The following PRDM11 variants were observed in gnomAD, a reference collection of about 807,000 sequenced individuals.
The protein encoded by PRDM11 is PR/SET domain 11, also known as PR domain-containing protein 11.
In PRDM11, 20 loss-of-function variants were observed where a neutral mutation model predicts 97.8. The ratio of observed to expected loss-of-function variants is 0.20; its 90% CI spans 0.14 to 0.30. The LOEUF (loss-of-function observed/expected upper bound fraction) is 0.30. PRDM11 is among the 10% of genes least tolerant of loss of function. The pLI is 1.00. For synonymous variants in PRDM11, 599 were observed against 637.7 expected, an observed-to-expected ratio of 0.94 and a Z score of 0.91; for missense variants, 1,139 against 1,555.2, an observed-to-expected ratio of 0.73 and a Z score of 4.50.
chr11:45,163,373 C>G (rs1390875213), intron 1 of PRDM11, among the ~76,000 whole-genome samples: 1 of 152,212 alleles, frequency 6.6e-6, no homozygotes, highest in East Asian at 1.9e-4. Context: ...TGGACAAGGT[C>G]CCACAGGCAT....
At chr11:45,223,521 C>A (rs1301406391) in intron 6 of PRDM11, among the ~76,000 whole-genome samples, 1 of 152,194 alleles carries the variant, frequency 6.6e-6, no homozygotes, top group African/African-American at 2.4e-5. Context: ...TGTCCTTTAT[C>A]TTGTCGGAGG....
intron 1 of PRDM11, chr11:45,147,431 A>C (rs1187598641): frequency 6.6e-6 from 1 of 152,198 alleles, no homozygotes; most frequent in East Asian, 1.9e-4. Flanking sequence ...GGATGCGACG[A>C]AGCCTTCTCC....
intron 5 of PRDM11, among the ~76,000 whole-genome samples, chr11:45,207,971 GC>G (rs1269280181): frequency 1.3e-5 from 2 of 152,208 alleles, no homozygotes; most frequent in African/African-American, 4.8e-5. Context: ...GGGTGACAGA[GC>G]CACGATGTGG....
At chr11:45,152,437 T>C (rs1851682391) in intron 1 of PRDM11, among the ~76,000 whole-genome samples, 1 of 152,246 alleles carries the variant, frequency 6.6e-6, no homozygotes, top group Admixed American at 6.5e-5. Flanking sequence ...TTTTTCTTTT[T>C]AGTGCATAGC....
At chr11:45,136,264 A>T (rs1382007443) in intron 1 of PRDM11, among the ~76,000 whole-genome samples, 1 of 152,218 alleles carries the variant, frequency 6.6e-6, no homozygotes, top group Non-Finnish European at 1.5e-5. Flanking sequence ...TTTTATTTTA[A>T]ATGTTACCTG....
chr11:45,176,258 T>C (rs2135725496), intron 1 of PRDM11, among the ~76,000 whole-genome samples: 1 of 152,142 alleles, frequency 6.6e-6, no homozygotes, highest in Middle Eastern at 3.4e-3. Context: ...GTACCTGTAA[T>C]CCCAGTTATT....
At chr11:45,127,692 C>G (rs1158057151) in intron 1 of PRDM11, among the ~76,000 whole-genome samples, 1 of 152,226 alleles carries the variant, frequency 6.6e-6, no homozygotes, top group Non-Finnish European at 1.5e-5. Context: ...GCAAATGCTG[C>G]TGCCTGATCA....
intron 4 of PRDM11, among the ~76,000 whole-genome samples, chr11:45,195,496 TTC>T (rs1853088446): frequency 6.6e-6 from 1 of 152,214 alleles, no homozygotes; most frequent in Non-Finnish European, 1.5e-5. Flanking sequence ...TGTGACAAGC[TTC>T]TTTCACTTCG....
At chr11:45,209,981 A>C (rs925088444) in intron 5 of PRDM11, among the ~76,000 whole-genome samples, 1 of 152,126 alleles carries the variant, frequency 6.6e-6, no homozygotes, top group Non-Finnish European at 1.5e-5. Context: ...AGAGAACAGC[A>C]TGTACGAGGC....
intron 1 of PRDM11, among the ~76,000 whole-genome samples, chr11:45,127,264 C>T (rs555829390): frequency 4.6e-5 from 7 of 152,292 alleles, no homozygotes; most frequent in African/African-American, 1.4e-4. Flanking sequence ...TTTTTAACTT[C>T]TTTGCCATTG....
At chr11:45,150,290 C>T (rs1851628619) in intron 1 of PRDM11, among the ~76,000 whole-genome samples, 1 of 152,184 alleles carries the variant, frequency 6.6e-6, no homozygotes, top group Admixed American at 6.5e-5. Flanking sequence ...TTTCTTGGCC[C>T]ACCTACCTCT....
chr11:45,122,232 C>T (rs113064360), intron 1 of PRDM11, among the ~76,000 whole-genome samples: 4 of 139,788 alleles, frequency 2.9e-5, no homozygotes, highest in African/African-American at 9.9e-5. Context: ...CACACACACA[C>T]ACACAGAGAG....
intron 1 of PRDM11, among the ~76,000 whole-genome samples, chr11:45,170,484 G>A (rs1222129508): frequency 2.6e-5 from 4 of 152,308 alleles, no homozygotes; most frequent in Admixed American, 2.0e-4. Context: ...GGTATAAGGC[G>A]GAAGAGCATC....
At chr11:45,192,756 G>A (rs76314303) in intron 4 of PRDM11, among the ~76,000 whole-genome samples, 15,385 of 152,118 alleles carry the variant, frequency 0.1, 1,143 homozygotes, top group Admixed American at 0.24. Flanking sequence ...ACTTAAAAAG[G>A]TATAAACATA....
At chr11:45,214,639 A>T (rs1050673404) in intron 5 of PRDM11, 9 of 152,048 alleles carry the variant, frequency 5.9e-5, no homozygotes, top group African/African-American at 2.2e-4. Context: ...TGGCTTAATT[A>T]TTGCCTGGAA....
rs1432687604 is a variant in PRDM11 at position 45,226,917 on chromosome 11, G to T, written c.2292G>T (p.Arg764=). 1.3e-5 allele frequency: 20 copies of T among 1,533,952 alleles called. No homozygotes were observed. Among genetic ancestry groups the T allele is most frequent in the Non-Finnish European group, 1.7e-5 (19 of 1,146,748 alleles). The part of the protein sequence containing the change: ...WLLCLPFMVH[R]PHLEILDAIS... Reference sequence around the variant, plus strand: ...TGTGCCTGCCCTTCATGGTGCACCGGCCCCACCTGGAGATCCTGGATGCCA... The same window carrying T: ...TGTGCCTGCCCTTCATGGTGCACCGTCCCCACCTGGAGATCCTGGATGCCA... The change falls in exon 8 of 8, where the codon CGG becomes CGT. Residue 764 remains arginine (R), a synonymous_variant. Transcript: ENST00000683152.
chr11:45,200,035 AAG>A (rs1176195610), intron 4 of PRDM11, among the ~76,000 whole-genome samples: 1 of 152,204 alleles, frequency 6.6e-6, no homozygotes, highest in Non-Finnish European at 1.5e-5. Flanking sequence ...TGAGCTTTCT[AAG>A]AGCAAAGACA....
At chr11:45,156,976 G>A (rs1202965157) in intron 1 of PRDM11, among the ~76,000 whole-genome samples, 1 of 152,186 alleles carries the variant, frequency 6.6e-6, no homozygotes, top group Non-Finnish European at 1.5e-5. Context: ...GGAGTTGGCT[G>A]GGGAGAGGCA....
At chr11:45,224,095 C>G in intron 6 of PRDM11, 122 bp from the exon 7 acceptor site, 1 of 1,234,664 alleles carries the variant, frequency 8.1e-7, no homozygotes, top group Non-Finnish European at 1.1e-6. Context: ...AACACTTGCC[C>G]CAAAAGCCCA....
Sources: gnomAD v4.1 joint callset for allele counts (sites outside exome capture counted in the v4.1 genomes callset) on GRCh38, gnomAD v4.1.1 for gene constraint, MANE v1.5 for transcripts, NCBI Gene and HGNC (gene_info 2026-07-23, HGNC 2026-07-21) for gene names.